The following CHM variants were observed in gnomAD, a reference collection of about 807,000 sequenced individuals.
CHM encodes the protein CHM Rab escort protein.
Under a neutral mutation model 49.0 loss-of-function variants are expected in CHM, and 10 were observed. The observed-to-expected ratio is 0.20, with a 90% CI of 0.13 to 0.35. CHM has a LOEUF of 0.35. Among genes scored for constraint, CHM ranks in the 10% least tolerant of loss-of-function variants. The pLI is 1.00. For missense variants in CHM, 455 were observed against 478.4 expected (o/e 0.95, Z 0.46); for synonymous variants, 184 against 167.5 (o/e 1.10, Z -0.76).
chrX:85,959,140 T>G (rs748675369), intron 5 of CHM, among the ~76,000 whole-genome samples, 163 bp from the exon 6 acceptor site: 31 of 111,928 alleles, frequency 2.8e-4, no homozygotes, highest in Admixed American at 3.8e-4. Flanking sequence ...CAGAATTGAT[T>G]AGCTGAAATT....
chrX:86,040,020 G>C (rs965392854), intron 1 of CHM, among the ~76,000 whole-genome samples: 1 of 111,631 alleles, frequency 9.0e-6, no homozygotes, highest in Non-Finnish European at 1.9e-5. Flanking sequence ...ATTTCTCCTG[G>C]ATGCCGGACA....
chrX:86,041,754 A>AAATATATATATATATATTTT (rs1934476522), intron 1 of CHM, among the ~76,000 whole-genome samples: 2 of 96,761 alleles, frequency 2.1e-5, no homozygotes, highest in African/African-American at 3.8e-5. Context: ...ATATATATAT[A>AAATATATATATATATATTTT]TATACATATA....
At chrX:85,962,442 G>A (rs1014293975) in intron 5 of CHM, among the ~76,000 whole-genome samples, 2 of 112,230 alleles carry the variant, frequency 1.8e-5, no homozygotes, top group African/African-American at 6.5e-5. Flanking sequence ...AAGAAAAATG[G>A]GTAGTAAAAA....
At chrX:86,045,856 T>G (rs1934632916) in intron 1 of CHM, among the ~76,000 whole-genome samples, 1 of 112,352 alleles carries the variant, frequency 8.9e-6, no homozygotes, top group Non-Finnish European at 1.9e-5. Flanking sequence ...AAAACTCAAG[T>G]ATGGTATAAC....
At chrX:86,000,737 A>C (rs1932676585) in intron 2 of CHM, among the ~76,000 whole-genome samples, 1 of 111,187 alleles carries the variant, frequency 9.0e-6, no homozygotes, top group African/African-American at 3.3e-5. Flanking sequence ...TAGTGAAATA[A>C]GCCAAGCACA....
intron 12 of CHM, among the ~76,000 whole-genome samples, chrX:85,890,151 A>G (rs1925349888): frequency 9.0e-6 from 1 of 111,716 alleles, no homozygotes; most frequent in South Asian, 3.8e-4. Flanking sequence ...ATCATGCGAT[A>G]TACCCTTGTA....
intron 2 of CHM, among the ~76,000 whole-genome samples, chrX:85,988,377 T>C (rs1285752280): frequency 2.7e-5 from 3 of 111,799 alleles, no homozygotes; most frequent in Non-Finnish European, 5.6e-5. Flanking sequence ...GAACAATCTA[T>C]GACAAACCCA....
intron 2 of CHM, among the ~76,000 whole-genome samples, chrX:85,990,411 A>G (rs1932124412): frequency 9.0e-6 from 1 of 111,574 alleles, no homozygotes; most frequent in African/African-American, 3.3e-5. Flanking sequence ...TGCTGAGATA[A>G]TGAGTACAAC....
At chrX:85,982,122 A>G (rs1931661583) in intron 2 of CHM, among the ~76,000 whole-genome samples, 2 of 112,125 alleles carry the variant, frequency 1.8e-5, no homozygotes, top group African/African-American at 6.5e-5. Flanking sequence ...ACATGAATAT[A>G]TATGACTCTT....
intron 14 of CHM, among the ~76,000 whole-genome samples, chrX:85,871,320 A>AAAAAAAAAAG (rs1487188345): frequency 1.9e-5 from 2 of 102,998 alleles, no homozygotes; most frequent in African/African-American, 7.6e-5. Context: ...AAAAAAAAAA[A>AAAAAAAAAAG]AAGAAGAAAT....
intron 11 of CHM, among the ~76,000 whole-genome samples, chrX:85,899,726 C>A (rs748212828): frequency 1.1e-5 from 1 of 89,558 alleles, no homozygotes; most frequent in Non-Finnish European, 2.1e-5. Flanking sequence ...CTTATGACCC[C>A]AAGCATTTTG....
chrX:86,040,288 G>A (rs1015531492), intron 1 of CHM, among the ~76,000 whole-genome samples: 16 of 112,214 alleles, frequency 1.4e-4, no homozygotes, highest in African/African-American at 3.2e-4. Flanking sequence ...AAAAGCACTC[G>A]CCCCGGCTCC....
Position 85,864,221 on chromosome X carries a change from AAT to A in CHM, c.*407_*408del, listed in dbSNP as rs1923548206. 1 of 159,096 alleles carries A rather than the reference AAT, an allele frequency of 6.3e-6. No individual in the cohort carries two copies. Among genetic ancestry groups the A allele is most frequent in the East Asian group, 1.6e-4 (1 of 6,278 alleles). The allele number at this position is 159,096 out of a possible 1,213,427, so 13.1% of individuals were successfully genotyped here. ...TTATGATGCTCTTGTCCATAAAGAA[AAT>A]AAAATTCAAATAACCAAAGAAAATA... On this transcript the variant is annotated 3_prime_UTR_variant, in exon 15 of 15. Transcript: ENST00000357749.
At chrX:85,899,904 G>A (rs1320034174) in intron 11 of CHM, among the ~76,000 whole-genome samples, 1 of 110,587 alleles carries the variant, frequency 9.0e-6, no homozygotes, top group Non-Finnish European at 1.9e-5. Context: ...AACAAGACAA[G>A]ACATAACAAG....
At chrX:85,934,426 TC>T (rs1314929142) in intron 8 of CHM, among the ~76,000 whole-genome samples, 3 of 45,412 alleles carry the variant, frequency 6.6e-5, no homozygotes, top group African/African-American at 2.7e-4. Context: ...CCCTCCCCCC[TC>T]CCCCCACCCC....
At chrX:85,920,772 T>C (rs938923942) in intron 8 of CHM, among the ~76,000 whole-genome samples, 8 of 111,911 alleles carry the variant, frequency 7.1e-5, no homozygotes, top group Non-Finnish European at 9.4e-5. Context: ...GTCTCAGAGG[T>C]TTCTCTGTTA....
At chrX:85,917,945 T>C (rs1252295626) in intron 8 of CHM, among the ~76,000 whole-genome samples, 1 of 111,616 alleles carries the variant, frequency 9.0e-6, no homozygotes, top group African/African-American at 3.3e-5. Flanking sequence ...CACATCCGCA[T>C]TCCTGAAAGA....
chrX:85,972,656 G>T (rs1001602020), intron 4 of CHM, among the ~76,000 whole-genome samples: 26 of 112,695 alleles, frequency 2.3e-4, no homozygotes, highest in Non-Finnish European at 3.8e-4. Context: ...CTCCGAGTGC[G>T]GGGCCCGCCA....
chrX:86,018,663 T>C (rs779628578), intron 2 of CHM, among the ~76,000 whole-genome samples: 48 of 112,341 alleles, frequency 4.3e-4, no homozygotes, highest in Middle Eastern at 4.6e-3. Flanking sequence ...GGAATACTTA[T>C]ACAAACTGTG....
Sources: gnomAD v4.1 joint callset for allele counts (sites outside exome capture counted in the v4.1 genomes callset) on GRCh38, gnomAD v4.1.1 for gene constraint, MANE v1.5 for transcripts, NCBI Gene and HGNC (gene_info 2026-07-23, HGNC 2026-07-21) for gene names.